METTL8: variants seen among roughly 807,000 people sequenced by gnomAD.
METTL8 encodes tRNA N(3)-cytidine methyltransferase METTL8, mitochondrial.
METTL8 carries 32 observed loss-of-function variants against 48.7 expected under a neutral mutation model. The observed-to-expected ratio is 0.66, with a 90% confidence interval of 0.50 to 0.88. METTL8 has a LOEUF of 0.88. METTL8 is among the 40% of genes least tolerant of loss of function. METTL8 has a pLI of 0.00. For missense variants in METTL8, 464 were observed against 474.4 expected (o/e 0.98, Z 0.20); for synonymous variants, 136 against 157.1 (o/e 0.87, Z 1.01).
intron 2 of METTL8, among the ~76,000 whole-genome samples, chr2:171,365,616 C>T (rs1685636494): frequency 6.6e-6 from 1 of 152,160 alleles, no homozygotes; most frequent in African/African-American, 2.4e-5. Context: ...GTTTCTCCAA[C>T]ACAAAGTCAT....
At chr2:171,355,519 G>T (rs567688804) in intron 3 of METTL8, among the ~76,000 whole-genome samples, 1 of 152,336 alleles carries the variant, frequency 6.6e-6, no homozygotes, top group Admixed American at 6.5e-5. Context: ...GATTAAGTCT[G>T]CAGAAGCTTC....
chr2:171,401,344 T>A (rs1172912432), intron 1 of METTL8, among the ~76,000 whole-genome samples: 3 of 152,168 alleles, frequency 2.0e-5, no homozygotes, highest in African/African-American at 7.2e-5. Flanking sequence ...ACAAACAGCT[T>A]AGGCAACTCA....
At chr2:171,433,458 G>T (rs2105698626) in intron 1 of METTL8, among the ~76,000 whole-genome samples, 1 of 152,262 alleles carries the variant, frequency 6.6e-6, no homozygotes, top group African/African-American at 2.4e-5. Context: ...GAGATACAGC[G>T]GCCCCACCCT....
chr2:171,430,713 G>C (rs1385742623), intron 1 of METTL8, among the ~76,000 whole-genome samples: 1 of 152,092 alleles, frequency 6.6e-6, no homozygotes, highest in African/African-American at 2.4e-5. Context: ...CTAGGCAGAT[G>C]GGGGTGGGTC....
rs11687454 is a variant in METTL8 at position 171,315,856 on chromosome 2, A to G, written c.*8316T>C. 0.23 allele frequency among the ~76,000 whole-genome samples: 34,574 copies of G among 152,154 alleles called. 4,257 individuals carry two copies. Among genetic ancestry groups the G allele is most frequent in the Non-Finnish European group, 0.28 (18,712 of 67,980 alleles). On this transcript the variant is annotated 3_prime_UTR_variant, in exon 10 of 10. Transcript: ENST00000375258. ...AAAATGTTCAACTATGTAATAACCAAAGCTTCCTTAACTTGGGAATCTTGG... is the reference window on the plus strand; with the variant it reads ...AAAATGTTCAACTATGTAATAACCAGAGCTTCCTTAACTTGGGAATCTTGG...
intron 4 of METTL8, among the ~76,000 whole-genome samples, chr2:171,338,481 T>C (rs561057504): frequency 2.0e-5 from 3 of 151,364 alleles, no homozygotes; most frequent in South Asian, 4.2e-4. Context: ...CTACTAAAAA[T>C]ACAAAAAAAT....
At chr2:171,372,358 T>C (rs1017037051) in intron 2 of METTL8, among the ~76,000 whole-genome samples, 2 of 152,020 alleles carry the variant, frequency 1.3e-5, no homozygotes, top group Non-Finnish European at 2.9e-5. Flanking sequence ...CTCCCTCTCA[T>C]CCCCATTCCC....
At chr2:171,336,420 T>A (rs1214492354) in intron 5 of METTL8, among the ~76,000 whole-genome samples, 1 of 50,946 alleles carries the variant, frequency 2.0e-5, no homozygotes, top group Non-Finnish European at 3.9e-5. Context: ...TTTTTTTTTT[T>A]AGACGGAGTC....
rs1574037938 is a variant in METTL8 at position 171,375,176 on chromosome 2, C to T, written c.144-14663G>A. 2.7e-6 allele frequency: 4 copies of T among 1,467,494 alleles called. No homozygotes were observed. In the South Asian group the frequency reaches 4.5e-5, roughly 17 times the overall value. 90.9% of individuals were successfully genotyped at this position (1,467,494 alleles called of 1,614,324 possible). A position where few individuals can be genotyped will look rare whatever the true frequency, so the allele number is the denominator to read the frequency against. On this transcript the variant is annotated intron_variant, in intron 2 of 9. Transcript: ENST00000375258. ...TTTCGAATGACGAATTTCTTAATGG[C>T]CTTGTCCTTGGGCACGCATCGGGTA... is the stretch of plus-strand genomic sequence containing the variant.
chr2:171,331,184 CA>C (rs1685488204), intron 6 of METTL8, among the ~76,000 whole-genome samples: 2 of 152,188 alleles, frequency 1.3e-5, no homozygotes, highest in Non-Finnish European at 2.9e-5. Flanking sequence ...AATCTTGGCT[CA>C]CTGCAACCTC....
intron 1 of METTL8, among the ~76,000 whole-genome samples, chr2:171,409,879 C>A (rs944646808): frequency 2.0e-5 from 3 of 152,158 alleles, no homozygotes; most frequent in Non-Finnish European, 4.4e-5. Flanking sequence ...ATGAGGCCCT[C>A]CAGGCAGAGC....
chr2:171,344,492 G>A (rs553198010), intron 3 of METTL8, among the ~76,000 whole-genome samples: 2 of 152,212 alleles, frequency 1.3e-5, no homozygotes, highest in East Asian at 3.9e-4. Context: ...ACCTCAGTGT[G>A]GCTTACAATC....
At chr2:171,384,243 A>G (rs768695339) in intron 2 of METTL8, among the ~76,000 whole-genome samples, 1 of 152,198 alleles carries the variant, frequency 6.6e-6, no homozygotes, top group African/African-American at 2.4e-5. Flanking sequence ...CGGAGACTTA[A>G]ACGTCTGTAA....
In METTL8 at chr2:171,360,489, T is replaced by G; in HGVS notation, c.168A>C (p.Glu56Asp). The G allele has an allele frequency of 6.2e-7, 1 of 1,613,846 alleles. No individual in the cohort carries two copies. Among genetic ancestry groups the G allele is most frequent in the Non-Finnish European group, 8.5e-7 (1 of 1,179,966 alleles). Residue 56 changes from glutamate (E) to aspartate (D), a missense_variant, in exon 3 of 10, where the codon GAA becomes GAC. Glu to Asp is a conservative substitution (Grantham distance 45). Transcript: ENST00000375258. ...CTTTTTTTCTGGCTGCTGCTTCTTC[T>G]TCCTTAGACCACTGCATGTGATCCC... ...NMWDHMQWSKEEEAAARKKVK... is the reference protein window; with the variant it reads ...NMWDHMQWSKDEEAAARKKVK...
chr2:171,341,939 G>A (rs1416491638), intron 3 of METTL8, among the ~76,000 whole-genome samples: 1 of 152,068 alleles, frequency 6.6e-6, no homozygotes, highest in Non-Finnish European at 1.5e-5. Context: ...TCTAGGGAGA[G>A]GAAAGGAGTG....
At chr2:171,341,881 C>T (rs921890132) in intron 3 of METTL8, among the ~76,000 whole-genome samples, 1 of 150,588 alleles carries the variant, frequency 6.6e-6, no homozygotes, top group Non-Finnish European at 1.5e-5. Flanking sequence ...GTAGAAGGTA[C>T]AAAATACTTC....
intron 2 of METTL8, among the ~76,000 whole-genome samples, chr2:171,383,593 C>T (rs35532227): frequency 1.8e-4 from 28 of 152,168 alleles, no homozygotes; most frequent in Non-Finnish European, 3.7e-4. Flanking sequence ...AATGGCCTAG[C>T]TGATGTAGTC....
At chr2:171,391,970 T>C (rs1300275373) in intron 2 of METTL8, 73 bp downstream of exon 2, 97 of 1,440,924 alleles carry the variant, frequency 6.7e-5, no homozygotes, top group Non-Finnish European at 9.0e-5. Flanking sequence ...CCTTTCTTAA[T>C]TCTAAATGAA....
intron 1 of METTL8, among the ~76,000 whole-genome samples, chr2:171,401,173 C>T (rs1358277444): frequency 6.6e-6 from 1 of 152,086 alleles, no homozygotes; most frequent in African/African-American, 2.4e-5. Context: ...ACCTGAGAGG[C>T]TAGCATTAAT....
Sources: allele counts gnomAD v4.1 joint callset (sites outside exome capture counted in the v4.1 genomes callset), GRCh38; gene constraint gnomAD v4.1.1; transcripts MANE v1.5; gene names NCBI Gene and HGNC (gene_info 2026-07-23, HGNC 2026-07-21).